Variants in FOXP2 observed in about 807,000 individuals in gnomAD.
FOXP2 encodes the protein forkhead box P2.
Under a neutral mutation model 115.8 loss-of-function variants are expected in FOXP2, and 12 were observed. That is an observed-to-expected ratio of 0.10 (90% confidence interval 0.07 to 0.17). The LOEUF (loss-of-function observed/expected upper bound fraction) is 0.17. Among genes scored for constraint, FOXP2 ranks in the 10% least tolerant of loss-of-function variants. The pLI is 1.00. For synonymous variants in FOXP2, 328 were observed against 297.7 expected (o/e 1.10, Z -1.05); for missense variants, 629 against 843.5 (o/e 0.75, Z 3.15).
rs1419544157 is a variant in FOXP2 at position 114,534,698 on chromosome 7, C to T, written c.250C>T (p.Pro84Ser). Reference sequence around the variant, plus strand: ...TCCTAAGAGCAGTGATAAACAGAGACCACTGCAGGTTAGTAAAGCACTCCT... The same window carrying T: ...TCCTAAGAGCAGTGATAAACAGAGATCACTGCAGGTTAGTAAAGCACTCCT... ...KSPKSSDKQR[P>S]LQVPVSVAMM... The change falls in exon 3 of 17, where the codon CCA becomes TCA. Residue 84 changes from proline to serine, a missense_variant. Physicochemically the swap from Pro to Ser is moderately conservative, Grantham distance 74. This residue lies in a region of FOXP2 where 91 missense variants were observed against 98.3 expected (regional missense o/e 0.93). Transcript: ENST00000350908. 3.7e-6 allele frequency: 6 copies of T among 1,610,834 alleles called. No individual in the cohort carries two copies. Among genetic ancestry groups the T allele is most frequent in the African/African-American group, 1.3e-5 (1 of 74,744 alleles).
At chr7:114,564,894 A>C (rs1365046368) in intron 3 of FOXP2, among the ~76,000 whole-genome samples, 2 of 151,866 alleles carry the variant, frequency 1.3e-5, no homozygotes, top group African/African-American at 2.4e-5. Flanking sequence ...AAAAAAAAAA[A>C]AATCTAGAAA....
At chr7:114,262,344 AC>A (rs1431819010) in intron 1 of FOXP2, among the ~76,000 whole-genome samples, 1 of 151,978 alleles carries the variant, frequency 6.6e-6, no homozygotes, top group Admixed American at 6.6e-5. Flanking sequence ...GATCACTTGA[AC>A]CAAGGAGTTT....
At chr7:114,460,924 C>T (rs1795532092) in intron 2 of FOXP2, among the ~76,000 whole-genome samples, 1 of 152,158 alleles carries the variant, frequency 6.6e-6, no homozygotes, top group East Asian at 1.9e-4. Context: ...ATTTCTTCCT[C>T]TATCCGAATC....
chr7:114,658,849 G>T (rs998020575), intron 11 of FOXP2, among the ~76,000 whole-genome samples: 1 of 151,984 alleles, frequency 6.6e-6, no homozygotes, highest in African/African-American at 2.4e-5. Flanking sequence ...CATCCCTGGG[G>T]CATCTGGATA....
Position 114,442,952 on chromosome 7 carries a change from G to GT in FOXP2, c.168+16273_168+16274insT, listed in dbSNP as rs560769898. 5.3e-3 allele frequency among the ~76,000 whole-genome samples: 808 copies of GT among 152,196 alleles called. 1 individual carries two copies. Among genetic ancestry groups the GT allele is most frequent in the South Asian group, 8.7e-3 (42 of 4,816 alleles). On this transcript the variant is annotated intron_variant, in intron 2 of 16. Transcript: ENST00000350908. ...TGAGTGAGTTAAAACAGAGTAAGAGGAAACTCCAATTCCAAGTGTAAAGGA... is the reference window on the plus strand; with the variant it reads ...TGAGTGAGTTAAAACAGAGTAAGAGGTAAACTCCAATTCCAAGTGTAAAGGA...
intron 3 of FOXP2, among the ~76,000 whole-genome samples, chr7:114,568,167 G>A (rs1014340130): frequency 6.6e-6 from 1 of 151,870 alleles, no homozygotes; most frequent in Admixed American, 6.6e-5. Context: ...GTCACTATGA[G>A]CCCTCAGTGT....
chr7:114,611,157 A>G (rs1803606381), intron 3 of FOXP2, among the ~76,000 whole-genome samples: 1 of 152,182 alleles, frequency 6.6e-6, no homozygotes, highest in African/African-American at 2.4e-5. Context: ...GCCAAAAGAA[A>G]TGCATATGTA....
chr7:114,119,150 T>A (rs1791489361), intron 1 of FOXP2, among the ~76,000 whole-genome samples: 1 of 152,162 alleles, frequency 6.6e-6, no homozygotes, highest in South Asian at 2.1e-4. Flanking sequence ...TAAGGATTAT[T>A]AAAATACAGC....
chr7:114,273,932 T>C (rs1049969889), intron 1 of FOXP2, among the ~76,000 whole-genome samples: 18 of 152,136 alleles, frequency 1.2e-4, no homozygotes, highest in African/African-American at 4.1e-4. Context: ...ACCATTGATA[T>C]TCTGTTGGAG....
chr7:114,429,881 G>A (rs1487276674), intron 2 of FOXP2, among the ~76,000 whole-genome samples: 2 of 151,536 alleles, frequency 1.3e-5, no homozygotes, highest in Admixed American at 1.3e-4. Flanking sequence ...TGTCTTAAAA[G>A]CATATGACAT....
intron 2 of FOXP2, among the ~76,000 whole-genome samples, chr7:114,305,258 C>G (rs529508644): frequency 1.7e-4 from 26 of 152,116 alleles, no homozygotes; most frequent in Non-Finnish European, 1.5e-5. Context: ...GAGCTTTAAA[C>G]GTTCATTGAA....
intron 1 of FOXP2, among the ~76,000 whole-genome samples, chr7:114,228,368 T>G (rs1794793604): frequency 6.6e-6 from 1 of 152,022 alleles, no homozygotes; most frequent in Admixed American, 6.6e-5. Context: ...CTTTATTAGC[T>G]TTTCATGTAT....
intron 1 of FOXP2, among the ~76,000 whole-genome samples, chr7:114,262,623 C>A (rs116041334): frequency 0.013 from 2,048 of 152,208 alleles, 39 homozygotes; most frequent in African/African-American, 0.038. Context: ...TGAAATCTGT[C>A]AAATAACTGA....
At chr7:114,518,528 A>T (rs1207809382) in intron 2 of FOXP2, among the ~76,000 whole-genome samples, 1 of 150,148 alleles carries the variant, frequency 6.7e-6, no homozygotes, top group African/African-American at 2.4e-5. Flanking sequence ...TTTTTTTGAG[A>T]TGGAGTCTCT....
At chr7:114,557,909 A>C (rs1047657314) in intron 3 of FOXP2, among the ~76,000 whole-genome samples, 1 of 151,918 alleles carries the variant, frequency 6.6e-6, no homozygotes, top group African/African-American at 2.4e-5. Context: ...TCCCGGGTTC[A>C]AGCAGTTCTC....
At chr7:114,088,827 AT>A (rs1248543672) in intron 1 of FOXP2, among the ~76,000 whole-genome samples, 1 of 152,226 alleles carries the variant, frequency 6.6e-6, no homozygotes, top group African/African-American at 2.4e-5. Context: ...AACACAATTA[AT>A]TTACAATTTT....
chr7:114,609,920 G>T (rs1290907354), intron 3 of FOXP2, among the ~76,000 whole-genome samples: 1 of 152,088 alleles, frequency 6.6e-6, no homozygotes, highest in Non-Finnish European at 1.5e-5. Context: ...TTTCATCGTG[G>T]TTGGCCAATT....
At chr7:114,599,603 AC>A (rs2129312781) in intron 3 of FOXP2, among the ~76,000 whole-genome samples, 1 of 152,142 alleles carries the variant, frequency 6.6e-6, no homozygotes, top group African/African-American at 2.4e-5. Flanking sequence ...AAGTAGTATA[AC>A]TTTTTTTTAT....
Position 114,475,558 on chromosome 7 carries a change from G to A in FOXP2, c.168+48879G>A, listed in dbSNP as rs1476132359. ...GAGCCCTCTGAACATGACCATAGGA[G>A]AAACTAAACGAAGTAGTGGTCATTT... On this transcript the variant is annotated intron_variant, in intron 2 of 16. Coordinates refer to ENST00000350908, the MANE Select transcript of FOXP2 (RefSeq NM_014491.4). 2.0e-5 allele frequency among the ~76,000 whole-genome samples: 3 copies of A among 151,990 alleles called. No individual in the cohort carries two copies. The South Asian group carries it at 6.2e-4, about 31-fold the overall frequency.
Sources: gnomAD v4.1 joint callset for allele counts (sites outside exome capture counted in the v4.1 genomes callset) on GRCh38, gnomAD v4.1.1 for gene constraint, gnomAD v4.1.1 regional missense constraint, MANE v1.5 for transcripts, NCBI Gene and HGNC (gene_info 2026-07-23, HGNC 2026-07-21) for gene names.